Variants in CROCC observed in about 807,000 individuals in gnomAD.
CROCC encodes ciliary rootlet coiled-coil, rootletin.
CROCC carries 180 observed loss-of-function variants against 245.2 expected under a neutral mutation model. That is an observed-to-expected ratio of 0.73 (90% CI 0.65 to 0.83). CROCC has a LOEUF of 0.83. Ranked by LOEUF, CROCC falls within the 40% of genes least tolerant of loss-of-function variation. The probability of loss-of-function intolerance (pLI) is 0.00; values close to 1 mark genes in which losing one functional copy is unlikely to be tolerated. For missense variants in CROCC, 2,688 were observed against 2,779.4 expected, an observed-to-expected ratio of 0.97 and a Z score of 0.74; for synonymous variants, 1,205 against 1,241.6, an observed-to-expected ratio of 0.97 and a Z score of 0.62.
chr1:16,960,772 G>T lies in CROCC; in HGVS notation c.4047G>T (p.Gln1349His), dbSNP rs1460580153. 2.0e-6 allele frequency: 3 copies of T among 1,533,520 alleles called. No individual in the cohort carries two copies. The African/African-American group carries it at 4.2e-5, about 22-fold the overall frequency. 95.0% of individuals were successfully genotyped at this position (1,533,520 alleles called of 1,614,324 possible). ...CATCACTCCAGCTCCAGGTAGCCCA[G>T]CGGAAGCTGCAGGAACAAGAAGGCG... ...EVMRQELQVA[Q>H]RKLQEQEGEF... is the part of the protein sequence containing the mutation. Residue 1349 changes from glutamine to histidine, a missense_variant, in exon 27 of 37, where the codon CAG becomes CAT. Around this residue, in one of 9 missense-constraint regions of CROCC, gnomAD observed 1,218 missense variants for 1,286.3 expected, o/e 0.95. Coordinates refer to ENST00000375541, the MANE Select transcript of CROCC (RefSeq NM_014675.5).
chr1:16,947,946 C>T (rs1230447205), intron 17 of CROCC, among the ~76,000 whole-genome samples: 5 of 152,226 alleles, frequency 3.3e-5, no homozygotes, highest in African/African-American at 7.2e-5. Context: ...TTAAGCTGTT[C>T]GCCTGCCTCA....
chr1:16,960,326 T>G (rs1418481598), intron 26 of CROCC, among the ~76,000 whole-genome samples: 1 of 152,100 alleles, frequency 6.6e-6, no homozygotes, highest in Admixed American at 6.5e-5. Context: ...GGAGCTAGAG[T>G]GCCTGGCTTT....
At chr1:16,969,020 T>G in intron 31 of CROCC, 96 bp from the exon 32 acceptor site, 1 of 1,136,250 alleles carries the variant, frequency 8.8e-7, no homozygotes, top group Non-Finnish European at 1.3e-6. Flanking sequence ...GTGGGAAGGG[T>G]GTGGATTGGG....
intron 3 of CROCC, among the ~76,000 whole-genome samples, chr1:16,927,760 A>G (rs2075568967): frequency 6.6e-6 from 1 of 152,258 alleles, no homozygotes; most frequent in Non-Finnish European, 1.5e-5. Flanking sequence ...GACACCGCTC[A>G]CCATTGACCT....
chr1:16,953,253 C>T lies in CROCC; in HGVS notation c.3007-49C>T, dbSNP rs1001813405. 4.4e-5 allele frequency: 67 copies of T among 1,521,636 alleles called. No individual in the cohort carries two copies. In the African/African-American group the frequency reaches 8.3e-4, roughly 19 times the overall value. 94.3% of individuals were successfully genotyped at this position (1,521,636 alleles called of 1,614,324 possible). A position where few individuals can be genotyped will look rare whatever the true frequency, so the allele number is the denominator to read the frequency against. ...CTGCCCTGATGTTTTGGGGGGTCTG[C>T]CTGGGCCCCCTCCTGGTGTGTCACA... On this transcript the variant is annotated intron_variant, in intron 20 of 36. Transcript: ENST00000375541.
intron 20 of CROCC, among the ~76,000 whole-genome samples, chr1:16,952,601 C>T (rs1352025651): frequency 2.0e-5 from 3 of 152,168 alleles, no homozygotes; most frequent in Non-Finnish European, 4.4e-5. Context: ...TGCCTGTGGG[C>T]TCTGCCTGCC....
Position 16,954,128 on chromosome 1 carries a change from C to CAA in CROCC, c.3187-95_3187-94insAA. The CAA allele has an allele frequency of 7.6e-7, 1 of 1,308,986 alleles. No homozygotes were observed. Among genetic ancestry groups the CAA allele is most frequent in the Non-Finnish European group, 1.1e-6 (1 of 939,758 alleles). 81.1% of individuals were successfully genotyped at this position (1,308,986 alleles called of 1,614,324 possible). A position where few individuals can be genotyped will look rare whatever the true frequency, so the allele number is the denominator to read the frequency against. ...GCAGTGGCACACTCAGGCCTCTAAG[C>CAA]CCCCAGTGGGCACATTTCCTAGGCA... On this transcript the variant is annotated intron_variant, in intron 21 of 36. Coordinates refer to ENST00000375541, the MANE Select transcript of CROCC (RefSeq NM_014675.5). The surrounding 1 kb of genome is among the most constrained non-coding windows in gnomAD (Gnocchi z 4.4).
At chr1:16,916,811 C>T (rs2075310328) in intron 1 of CROCC, among the ~76,000 whole-genome samples, 1 of 152,396 alleles carries the variant, frequency 6.6e-6, no homozygotes, top group East Asian at 1.9e-4. Context: ...GTGCACCCGG[C>T]TTGCTGTTAT....
Position 16,936,804 on chromosome 1 carries a change from T to C in CROCC, c.1124T>C (p.Val375Ala). 2 of 1,612,052 alleles carry C rather than the reference T, an allele frequency of 1.2e-6. No homozygotes were observed. Among genetic ancestry groups the C allele is most frequent in the Non-Finnish European group, 8.5e-7 (1 of 1,179,818 alleles). ...AQLEEQLRDK[V>A]LREKDLAQQQ... ...CTGGAGGAGCAGCTGCGGGACAAGG[T>C]GCTCCGCGAGAAGGACCTGGCGCAG... Residue 375 changes from valine to alanine, a missense_variant, in exon 9 of 37, where the codon GTG becomes GCG. By Grantham distance (64) the Val-to-Ala change is moderately conservative. Coordinates refer to ENST00000375541, the MANE Select transcript of CROCC (RefSeq NM_014675.5).
chr1:16,965,746 C>T lies in CROCC; in HGVS notation c.4429C>T (p.Pro1477Ser), dbSNP rs764010918. Residue 1477 changes from proline (P) to serine (S), a missense_variant, in exon 28 of 37, where the codon CCC becomes TCC. Physicochemically the swap from Pro to Ser is moderately conservative, Grantham distance 74. Transcript: ENST00000375541. ...AGGAAGCGGGGAAGGGCTCAACAGCCCCAGCACCTTAGAATGCAGCCCTGG... is the reference window on the plus strand; with the variant it reads ...AGGAAGCGGGGAAGGGCTCAACAGCTCCAGCACCTTAGAATGCAGCCCTGG... ...AEGSGEGLNS[P>S]STLECSPGSQ... 1.3e-5 allele frequency: 21 copies of T among 1,613,446 alleles called. No homozygotes were observed. The highest frequency in any genetic ancestry group is 1.1e-5 in the South Asian group (1 of 91,074).
chr1:16,944,044 T>A, intron 13 of CROCC, 56 bp from the exon 14 acceptor site: 1 of 1,463,140 alleles, frequency 6.8e-7, no homozygotes. Flanking sequence ...CCAGCCACCT[T>A]CCCTGCAGAG....
chr1:16,929,899 G>T lies in CROCC; in HGVS notation c.405G>T (p.Arg135Ser). Residue 135 changes from arginine (R) to serine (S), a missense_variant, in exon 4 of 37, where the codon AGG (arginine) becomes AGT (serine). Arg to Ser is a moderately radical substitution (Grantham distance 110). Coordinates refer to ENST00000375541, the MANE Select transcript of CROCC (RefSeq NM_014675.5). ...EPGELETQEP[R>S]GLVRQSVELR... ...GGGAGCTGGAGACGCAGGAGCCCAG[G>T]GGGCTGGTACGGCAGAGCGTGGAGT... 1.9e-6 allele frequency: 3 copies of T among 1,588,536 alleles called. No homozygotes were observed. Among genetic ancestry groups the T allele is most frequent in the Middle Eastern group, 4.5e-4 (2 of 4,440 alleles).
intron 3 of CROCC, 43 bp downstream of exon 3, chr1:16,924,522 G>A (rs144459703): frequency 4.6e-3 from 7,354 of 1,594,818 alleles, no homozygotes; most frequent in Middle Eastern, 0.013. Flanking sequence ...GGTTCCCCTC[G>A]TTCAAGGGCA....
chr1:16,925,717 G>A (rs2075519140), intron 3 of CROCC, among the ~76,000 whole-genome samples: 1 of 152,270 alleles, frequency 6.6e-6, no homozygotes, highest in Admixed American at 6.5e-5. Context: ...TATGACTGTG[G>A]GGTGTGCCCG....
intron 1 of CROCC, among the ~76,000 whole-genome samples, chr1:16,916,305 G>A (rs1245760889): frequency 6.6e-6 from 1 of 152,280 alleles, no homozygotes; most frequent in Non-Finnish European, 1.5e-5. Flanking sequence ...GGTGTGGTAA[G>A]GGCTAGTAGA....
Position 16,930,355 on chromosome 1 carries a change from C to T in CROCC, c.683+8C>T, listed in dbSNP as rs147451230. 30,404 of 1,609,750 alleles carry T rather than the reference C, an allele frequency of 0.019. 365 individuals carry two copies. Among genetic ancestry groups the T allele is most frequent in the South Asian group, 0.046 (4,131 of 90,690 alleles). ...GGAGGAGGAGCAGCAGAGGTGAGGG[C>T]GCAGCAGGGAGGGCCAGGGCTGGCA... On this transcript the variant is annotated splice_region_variant and intron_variant, in intron 6 of 36. Coordinates refer to ENST00000375541, the MANE Select transcript of CROCC (RefSeq NM_014675.5).
rs1557616939 is a variant in CROCC at position 16,948,318 on chromosome 1, G to C, written c.2515-13G>C. 1.3e-6 allele frequency: 2 copies of C among 1,553,308 alleles called. No individual in the cohort carries two copies. The highest frequency in any genetic ancestry group is 1.7e-6 in the Non-Finnish European group (2 of 1,155,120). On this transcript the variant is annotated splice_polypyrimidine_tract_variant and intron_variant, in intron 17 of 36. Transcript: ENST00000375541. Reference sequence around the variant, plus strand: ...ACGCTGGGAGTGCTACTCAGTCTCTGGGTGGGGGCCAGCTCTCCCGGCAGC... The same window carrying C: ...ACGCTGGGAGTGCTACTCAGTCTCTCGGTGGGGGCCAGCTCTCCCGGCAGC...
rs138216886 is a variant in CROCC at position 16,922,709 on chromosome 1, G to A, written c.107G>A (p.Arg36Gln). 10 of 1,613,716 alleles carry A rather than the reference G, an allele frequency of 6.2e-6. No homozygotes were observed. Among genetic ancestry groups the A allele is most frequent in the African/African-American group, 5.3e-5 (4 of 75,062 alleles). ...VLCQEKGLGA[R>Q]DLAQDAQITS... ...TGCCAGGAGAAAGGCTTGGGCGCGC[G>A]GGACCTGGCCCAGGACGCTCAGATC... Residue 36 changes from arginine (R) to glutamine (Q), a missense_variant, in exon 2 of 37, where the codon CGG becomes CAG. By Grantham distance (43) the Arg-to-Gln change is conservative. Around this residue, in one of 9 missense-constraint regions of CROCC, gnomAD observed 972 missense variants for 895.3 expected, o/e 1.09. Transcript: ENST00000375541.
At chr1:16,939,575 G>C (rs2075875235) in intron 12 of CROCC, among the ~76,000 whole-genome samples, 1 of 152,228 alleles carries the variant, frequency 6.6e-6, no homozygotes, top group African/African-American at 2.4e-5. Context: ...AGGATGCAAG[G>C]GGGAGGAGCC....
Sources: allele counts gnomAD v4.1 joint callset (sites outside exome capture counted in the v4.1 genomes callset), GRCh38; gene constraint gnomAD v4.1.1; regional missense constraint gnomAD v4.1.1; non-coding constraint Gnocchi (gnomAD v3.1); transcripts MANE v1.5; gene names NCBI Gene and HGNC (gene_info 2026-07-23, HGNC 2026-07-21).